Variants in ADCY8 observed in about 807,000 individuals in gnomAD.
The protein encoded by ADCY8 is adenylate cyclase 8.
Under a neutral mutation model 119.7 loss-of-function variants are expected in ADCY8, and 51 were observed. The ratio of observed to expected loss-of-function variants is 0.43; its 90% CI spans 0.34 to 0.54. ADCY8 has a LOEUF of 0.54. Ranked by LOEUF, ADCY8 falls within the 20% of genes least tolerant of loss-of-function variation. The pLI is 0.03. For synonymous variants in ADCY8, 665 were observed against 651.0 expected, an observed-to-expected ratio of 1.02 and a Z score of -0.33; for missense variants, 1,383 against 1,598.8, an observed-to-expected ratio of 0.87 and a Z score of 2.30.
intron 5 of ADCY8, among the ~76,000 whole-genome samples, chr8:130,925,177 C>T (rs1326460674): frequency 6.6e-6 from 1 of 152,070 alleles, no homozygotes; most frequent in Non-Finnish European, 1.5e-5. Flanking sequence ...TGCACTCCAG[C>T]CCGGGTGAGC....
intron 17 of ADCY8, among the ~76,000 whole-genome samples, chr8:130,781,613 A>G (rs1271274438): frequency 1.3e-5 from 2 of 152,160 alleles, no homozygotes; most frequent in African/African-American, 4.8e-5. Flanking sequence ...TTACTGCTGC[A>G]TTATATTCAC....
At chr8:131,031,227 C>A (rs574192721) in intron 1 of ADCY8, among the ~76,000 whole-genome samples, 52 of 152,318 alleles carry the variant, frequency 3.4e-4, no homozygotes, top group South Asian at 1.0e-3. Flanking sequence ...TGCCCAATGG[C>A]AAGGAGCTCA....
intron 7 of ADCY8, among the ~76,000 whole-genome samples, chr8:130,888,211 A>G (rs1247031371): frequency 6.6e-6 from 1 of 151,392 alleles, no homozygotes; most frequent in East Asian, 1.9e-4. Context: ...ATAATATAAT[A>G]TATATATAAT....
At chr8:131,026,065 A>G (rs1823813943) in intron 1 of ADCY8, among the ~76,000 whole-genome samples, 2 of 152,232 alleles carry the variant, frequency 1.3e-5, no homozygotes, top group Non-Finnish European at 2.9e-5. Flanking sequence ...AAATGAAAGC[A>G]TGCATTAATG....
chr8:130,856,337 T>A (rs1179724091), intron 9 of ADCY8, among the ~76,000 whole-genome samples: 1 of 151,910 alleles, frequency 6.6e-6, no homozygotes, highest in Non-Finnish European at 1.5e-5. Context: ...CCCATCACTA[T>A]CCAGCACAAA....
intron 2 of ADCY8, among the ~76,000 whole-genome samples, chr8:130,975,614 G>A (rs1822048392): frequency 6.6e-6 from 1 of 152,198 alleles, no homozygotes; most frequent in South Asian, 2.1e-4. Context: ...GTGTCACAGT[G>A]ATTCAGTGAG....
At chr8:130,919,065 A>G (rs1586570578) in intron 5 of ADCY8, among the ~76,000 whole-genome samples, 1 of 152,310 alleles carries the variant, frequency 6.6e-6, no homozygotes, top group African/African-American at 2.4e-5. Context: ...TCCGTCTCCA[A>G]AAAAGAGAAA....
chr8:130,858,367 T>A (rs979929717), intron 9 of ADCY8, among the ~76,000 whole-genome samples: 1 of 152,190 alleles, frequency 6.6e-6, no homozygotes, highest in Non-Finnish European at 1.5e-5. Flanking sequence ...CTTCCCTTGT[T>A]TTACATGACT....
intron 1 of ADCY8, among the ~76,000 whole-genome samples, chr8:131,036,629 T>C (rs1824164321): frequency 6.6e-6 from 1 of 152,164 alleles, no homozygotes; most frequent in South Asian, 2.1e-4. Context: ...TAATTTCAGA[T>C]AGCAGATGTG....
intron 5 of ADCY8, among the ~76,000 whole-genome samples, chr8:130,931,390 A>C (rs1429499888): frequency 6.6e-6 from 1 of 152,064 alleles, no homozygotes; most frequent in Non-Finnish European, 1.5e-5. Context: ...CTTTGATTTT[A>C]ATAGTTTGAT....
intron 14 of ADCY8, among the ~76,000 whole-genome samples, chr8:130,803,672 A>G (rs1490972213): frequency 6.6e-6 from 1 of 152,190 alleles, no homozygotes; most frequent in Non-Finnish European, 1.5e-5. Flanking sequence ...CTTTACTGAT[A>G]CAGGAAATGA....
intron 14 of ADCY8, among the ~76,000 whole-genome samples, chr8:130,809,477 C>A (rs1816092022): frequency 6.6e-6 from 1 of 152,146 alleles, no homozygotes; most frequent in Non-Finnish European, 1.5e-5. Context: ...TGCTTGTAGT[C>A]CCCCCAGTCC....
Position 130,824,443 on chromosome 8 carries a change from T to C in ADCY8, c.2676-3023A>G, listed in dbSNP as rs146990323. Among the ~76,000 whole-genome samples the C allele has an allele frequency of 4.5e-4, 69 of 152,316 alleles. 1 individual carries two copies. The East Asian group carries it at 0.012, about 27-fold the overall frequency. ...GCTATCAATTCAGATCTCAGTGGTA[T>C]TTTTCAGTAGCTACAATGCCCTCCT... On this transcript the variant is annotated intron_variant, in intron 12 of 17. Transcript: ENST00000286355.
At chr8:130,941,354 C>T (rs531913671) in intron 4 of ADCY8, among the ~76,000 whole-genome samples, 16 of 152,224 alleles carry the variant, frequency 1.1e-4, no homozygotes, top group African/African-American at 2.6e-4. Flanking sequence ...TTCAGTCTTG[C>T]GCAGTACCTG....
chr8:130,900,763 CA>C (rs938280501), intron 7 of ADCY8, among the ~76,000 whole-genome samples: 14 of 152,200 alleles, frequency 9.2e-5, no homozygotes, highest in African/African-American at 3.4e-4. Flanking sequence ...AGATTCTCAA[CA>C]GTGATCTCTT....
At chr8:130,919,498 G>A (rs1321050290) in intron 5 of ADCY8, among the ~76,000 whole-genome samples, 2 of 152,160 alleles carry the variant, frequency 1.3e-5, no homozygotes, top group African/African-American at 4.8e-5. Flanking sequence ...AGAGCTTGAG[G>A]GTTGGGTGGG....
At position 131,025,302 on chromosome 8, in the gene ADCY8, T is replaced by C. The variant is rs192137065; in HGVS notation, c.960+14072A>G. Among the ~76,000 whole-genome samples the C allele has an allele frequency of 1.5e-4, 23 of 152,328 alleles. No individual in the cohort carries two copies. The East Asian group carries it at 3.9e-3, about 26-fold the overall frequency. On this transcript the variant is annotated intron_variant, in intron 1 of 17. Coordinates refer to ENST00000286355, the MANE Select transcript of ADCY8 (RefSeq NM_001115.3). The stretch of plus-strand genomic sequence containing the variant: ...TCTGAAATGAGCATAGTTATTGAGA[T>C]AAAGTGGCCTTAAAGAAGCATCAAA...
intron 9 of ADCY8, among the ~76,000 whole-genome samples, chr8:130,862,524 T>C (rs1817970614): frequency 6.6e-6 from 1 of 152,170 alleles, no homozygotes; most frequent in Non-Finnish European, 1.5e-5. Flanking sequence ...GCCATTCTCC[T>C]GCCTCAGCCT....
intron 1 of ADCY8, among the ~76,000 whole-genome samples, chr8:131,038,263 T>A (rs1464518949): frequency 1.3e-5 from 2 of 151,346 alleles, no homozygotes; most frequent in Non-Finnish European, 2.9e-5. Flanking sequence ...GGAAGAGGAG[T>A]TTTAAGCTTC....
Sources: gnomAD v4.1 joint callset for allele counts (sites outside exome capture counted in the v4.1 genomes callset) on GRCh38, gnomAD v4.1.1 for gene constraint, MANE v1.5 for transcripts, NCBI Gene and HGNC (gene_info 2026-07-23, HGNC 2026-07-21) for gene names.